Variants in ANK2 observed in about 807,000 individuals in gnomAD.
The protein encoded by ANK2 is ankyrin-2.
ANK2 carries 83 observed loss-of-function variants against 360.5 expected under a neutral mutation model. That is an observed-to-expected ratio of 0.23 (90% CI 0.19 to 0.28). The LOEUF (loss-of-function observed/expected upper bound fraction) is 0.28, where lower values mean the gene tolerates loss of function less well. Among genes scored for constraint, ANK2 ranks in the 10% least tolerant of loss-of-function variants. ANK2 has a pLI of 1.00. For synonymous variants in ANK2, 1,740 were observed against 1,759.5 expected (o/e 0.99, Z 0.28); for missense variants, 4,201 against 4,795.7 (o/e 0.88, Z 3.66).
intron 1 of ANK2, among the ~76,000 whole-genome samples, chr4:113,151,869 C>A (rs1170813750): frequency 2.1e-5 from 3 of 146,188 alleles, no homozygotes; most frequent in African/African-American, 7.6e-5. Flanking sequence ...AGTTCAAGAC[C>A]CCCTGGGAAA....
the ANK2 span, among the ~76,000 whole-genome samples, chr4:112,742,396 A>G: frequency 1.2e-4 from 18 of 149,760 alleles, no homozygotes; most frequent in African/African-American, 3.9e-4. Context: ...ACTGAATTCT[A>G]TGTGTGTGTG....
intron 1 of ANK2, chr4:112,827,020 T>C (rs576376448): frequency 6.9e-7 from 1 of 1,446,490 alleles, no homozygotes; most frequent in South Asian, 1.1e-5. Flanking sequence ...ATTTTAGACA[T>C]TGGTAAAAAG....
intron 1 of ANK2, among the ~76,000 whole-genome samples, chr4:112,845,621 G>T (rs2063118975): frequency 6.6e-6 from 1 of 152,182 alleles, no homozygotes. Context: ...TAACTGCAGG[G>T]ATGTGATAGA....
chr4:112,720,456 T>C, the ANK2 span, among the ~76,000 whole-genome samples: 2 of 152,226 alleles, frequency 1.3e-5, no homozygotes, highest in African/African-American at 4.8e-5. Context: ...CATTGGGTCT[T>C]ATATGGACTA....
intron 2 of ANK2, among the ~76,000 whole-genome samples, chr4:113,043,571 T>G (rs2063504999): frequency 6.6e-6 from 1 of 152,172 alleles, no homozygotes; most frequent in Non-Finnish European, 1.5e-5. Context: ...TGTGCCTGGT[T>G]GACCAGTGGC....
chr4:113,207,281 C>T (rs2098963118), intron 4 of ANK2, among the ~76,000 whole-genome samples: 1 of 152,128 alleles, frequency 6.6e-6, no homozygotes, highest in African/African-American at 2.4e-5. Context: ...TCATTTTATT[C>T]TGAAATTTGA....
At chr4:113,292,384 G>A (rs2068175738) in intron 20 of ANK2, 32 bp from the exon 21 acceptor site, 1 of 1,576,370 alleles carries the variant, frequency 6.3e-7, no homozygotes, top group African/African-American at 1.4e-5. Context: ...CTGCCAATCG[G>A]GTGCTGGGCC....
chr4:113,181,195 G>T (rs1178946608), intron 2 of ANK2, among the ~76,000 whole-genome samples: 1 of 152,130 alleles, frequency 6.6e-6, no homozygotes, highest in South Asian at 2.1e-4. Flanking sequence ...AAAATGCTGG[G>T]AGTAGCTTCA....
intron 1 of ANK2, among the ~76,000 whole-genome samples, chr4:113,146,243 G>A (rs2096830308): frequency 6.6e-6 from 1 of 152,316 alleles, no homozygotes; most frequent in South Asian, 2.1e-4. Flanking sequence ...ATTTGGGAAA[G>A]AGCAATGACA....
chr4:113,002,022 A>T (rs1230686191), intron 2 of ANK2, among the ~76,000 whole-genome samples: 1 of 148,908 alleles, frequency 6.7e-6, no homozygotes, highest in Non-Finnish European at 1.5e-5. Flanking sequence ...TTATTTATTT[A>T]TTTTTATTAT....
chr4:113,070,064 T>C (rs909383750), intron 1 of ANK2: 2 of 152,222 alleles, frequency 1.3e-5, no homozygotes, highest in African/African-American at 4.8e-5. Flanking sequence ...GTGAAAAGAC[T>C]GAAGTCTTTA....
chr4:113,377,473 C>T (rs1489040492), intron 45 of ANK2, among the ~76,000 whole-genome samples: 2 of 151,956 alleles, frequency 1.3e-5, no homozygotes, highest in Non-Finnish European at 1.5e-5. Flanking sequence ...CCAAAAGGGA[C>T]AAAAAAATCT....
chr4:113,069,308 T>C (rs1339544172), intron 1 of ANK2, among the ~76,000 whole-genome samples: 1 of 152,062 alleles, frequency 6.6e-6, no homozygotes, highest in Non-Finnish European at 1.5e-5. Context: ...ACCTGGAGAG[T>C]AGAATTTAAA....
chr4:112,738,808 A>C, the ANK2 span: 1 of 626,100 alleles, frequency 1.6e-6, no homozygotes, highest in Middle Eastern at 2.7e-4. Flanking sequence ...AACAGGGTTC[A>C]TAGAAGGTTC....
At chr4:112,903,700 C>G (rs150568832) in intron 1 of ANK2, among the ~76,000 whole-genome samples, 131 of 152,224 alleles carry the variant, frequency 8.6e-4, no homozygotes, top group African/African-American at 3.1e-3. Context: ...AAAACTTGTC[C>G]AATCTCTTGA....
the ANK2 span, among the ~76,000 whole-genome samples, chr4:112,812,112 G>A: frequency 4.1e-5 from 6 of 145,762 alleles, no homozygotes; most frequent in African/African-American, 1.0e-4. Context: ...TATGTGTTAC[G>A]CCAAAACAGA....
chr4:113,119,722 T>C (rs552916960), intron 1 of ANK2, among the ~76,000 whole-genome samples: 1 of 152,252 alleles, frequency 6.6e-6, no homozygotes, highest in Admixed American at 6.5e-5. Flanking sequence ...AAAATTCAGA[T>C]GAGATCCACC....
At chr4:113,157,211 A>G (rs1478179614) in intron 1 of ANK2, among the ~76,000 whole-genome samples, 4 of 152,208 alleles carry the variant, frequency 2.6e-5, no homozygotes, top group Non-Finnish European at 5.9e-5. Flanking sequence ...AGGTGTAATC[A>G]ACATTTAAAC....
chr4:113,235,292 A>G (rs1264719108), intron 5 of ANK2, among the ~76,000 whole-genome samples: 1 of 152,130 alleles, frequency 6.6e-6, no homozygotes, highest in Non-Finnish European at 1.5e-5. Context: ...TTTTCATCTT[A>G]AGATACTACA....
Sources: gnomAD v4.1 joint callset for allele counts (sites outside exome capture counted in the v4.1 genomes callset) on GRCh38, gnomAD v4.1.1 for gene constraint, MANE v1.5 for transcripts, NCBI Gene and HGNC (gene_info 2026-07-23, HGNC 2026-07-21) for gene names.